SLC12A3: variants seen among roughly 807,000 people sequenced by gnomAD.
SLC12A3 encodes the protein Na-Cl cotransporter.
A neutral mutation model predicts 121.0 loss-of-function variants in SLC12A3; 104 were observed. The ratio of observed to expected loss-of-function variants is 0.86; its 90% confidence interval spans 0.73 to 1.01. SLC12A3 has a LOEUF of 1.01. SLC12A3 is among the 50% of genes least tolerant of loss of function. The probability of loss-of-function intolerance (pLI) is 0.00; values close to 1 mark genes in which losing one functional copy is unlikely to be tolerated. For synonymous variants in SLC12A3, 536 were observed against 533.4 expected (o/e 1.00, Z -0.07); for missense variants, 1,328 against 1,356.3 (o/e 0.98, Z 0.33).
At chr16:56,912,239 C>T (rs890508028) in intron 25 of SLC12A3, among the ~76,000 whole-genome samples, 2 of 152,248 alleles carry the variant, frequency 1.3e-5, no homozygotes, top group Non-Finnish European at 2.9e-5. Context: ...TGCTGGAGCC[C>T]ACAGACCCTC....
Position 56,870,741 on chromosome 16 carries a change from G to A in SLC12A3, c.852+5G>A, listed in dbSNP as rs898839471. ...GGCATGGAGTGGGAGTCCAAGGTGA[G>A]GAGGCCATGGAGGAGGGGGACATGG... On this transcript the variant is annotated splice_donor_5th_base_variant and intron_variant, in intron 6 of 25. Transcript: ENST00000563236. 33 of 1,580,424 alleles carry A rather than the reference G, an allele frequency of 2.1e-5. No homozygotes were observed. Among genetic ancestry groups the A allele is most frequent in the Non-Finnish European group, 2.6e-5 (30 of 1,149,862 alleles).
At chr16:56,887,792 ATATATATTTTTT>A (rs1231832318) in intron 17 of SLC12A3, 121 bp from the exon 18 acceptor site, 106 of 114,722 alleles carry the variant, frequency 9.2e-4, no homozygotes, top group Middle Eastern at 4.1e-3. Context: ...ATATATATAT[ATATATATTTTTT>A]TTTTTTTTTT....
intron 25 of SLC12A3, 101 bp from the exon 26 acceptor site, chr16:56,913,163 G>A (rs2055708322): frequency 6.6e-7 from 1 of 1,504,430 alleles, no homozygotes; most frequent in South Asian, 1.1e-5. Context: ...GAGCTCTGAG[G>A]GACGGTAAAC....
Position 56,893,000 on chromosome 16 carries a change from C to T in SLC12A3, c.2467C>T (p.Gln823Ter), listed in dbSNP as rs1255277037. 1.9e-6 allele frequency: 3 copies of T among 1,614,120 alleles called. No homozygotes were observed. Among genetic ancestry groups the T allele is most frequent in the Non-Finnish European group, 2.5e-6 (3 of 1,180,040 alleles). Residue 823 changes from glutamine to a stop codon, truncating the protein, a stop_gained, in exon 21 of 26, where the codon CAG (glutamine) becomes TAG (stop). Coordinates refer to ENST00000563236, the MANE Select transcript of SLC12A3 (RefSeq NM_001126108.2). LOFTEE classifies it high-confidence loss of function. ...VKEEQATTIF[Q>*]SEQGKKTIDI... ...GGAGGAGCAGGCCACCACCATCTTC[C>T]AGTCGGAGCAGGGCAAGAAGACCAT...
Position 56,887,933 on chromosome 16 carries a change from T to C in SLC12A3, c.2187T>C (p.Gly729=). ...RGVQILMQAA[G]LGRMKPNILV... ...CCCCTATCCCCTGGCAGGCCGCAGG[T>C]CTCGGGAGAATGAAGCCCAACATTC... Residue 729 remains glycine, a synonymous_variant, in exon 18 of 26, where the codon GGT becomes GGC. Transcript: ENST00000563236. 6.2e-7 allele frequency: 1 copy of C among 1,611,372 alleles called. No homozygotes were observed. The highest frequency in any genetic ancestry group is 8.5e-7 in the Non-Finnish European group (1 of 1,178,838).
chr16:56,913,346 C>T lies in SLC12A3; in HGVS notation c.3007C>T (p.Pro1003Ser). The stretch of plus-strand genomic sequence containing the variant: ...GGAGACCCTGTCCCAGGACCTCAGA[C>T]CTCCAGTCATCCTGATCCGAGGAAA... Reference protein sequence around the residue: ...WLETLSQDLRPPVILIRGNQE... With the variant: ...WLETLSQDLRSPVILIRGNQE... The change falls in exon 26 of 26, where the codon CCT becomes TCT. Residue 1003 changes from proline to serine, a missense_variant. Physicochemically the swap from Pro to Ser is moderately conservative, Grantham distance 74. Transcript: ENST00000563236. The T allele has an allele frequency of 6.2e-7, 1 of 1,614,190 alleles. No individual in the cohort carries two copies. Among genetic ancestry groups the T allele is most frequent in the Non-Finnish European group, 8.5e-7 (1 of 1,180,008 alleles).
chr16:56,869,960 C>G (rs1327825138), intron 4 of SLC12A3, 136 bp downstream of exon 4: 5 of 1,378,912 alleles, frequency 3.6e-6, no homozygotes, highest in Non-Finnish European at 5.1e-6. Context: ...GGCAGGCTGT[C>G]TACACCACGA....
At chr16:56,908,828 G>A (rs4644856) in intron 25 of SLC12A3, among the ~76,000 whole-genome samples, 2 of 152,244 alleles carry the variant, frequency 1.3e-5, no homozygotes, top group East Asian at 1.9e-4. Flanking sequence ...CGCTGGGTCC[G>A]AGCGCAAGAC....
rs142561570 is a variant in SLC12A3, at chr16:56,867,195, C to T, written c.408C>T (p.Phe136=). 5.8e-5 allele frequency: 94 copies of T among 1,612,162 alleles called. No individual in the cohort carries two copies. In the Admixed American group the frequency reaches 1.1e-3, roughly 19 times the overall value. Residue 136 remains phenylalanine, a synonymous_variant, in exon 2 of 26, where the codon TTC becomes TTT. Transcript: ENST00000563236. The stretch of plus-strand genomic sequence containing the variant: ...AGAACCCCGAGGAGCCAGTGCGCTT[C>T]GGCTGGGTCAAGGGGGTGATGGTGA... The part of the protein sequence containing the change: ...SEKNPEEPVR[F]GWVKGVMIRC...
At chr16:56,878,968 G>A (rs1776291751) in intron 9 of SLC12A3, 105 bp from the exon 10 acceptor site, 1 of 1,345,946 alleles carries the variant, frequency 7.4e-7, no homozygotes, top group Non-Finnish European at 1.0e-6. Flanking sequence ...TGAAGGGACA[G>A]CTGCCCATCA....
At chr16:56,876,777 G>A (rs1177815942) in intron 8 of SLC12A3, among the ~76,000 whole-genome samples, 2 of 152,210 alleles carry the variant, frequency 1.3e-5, no homozygotes, top group African/African-American at 4.8e-5. Flanking sequence ...AAGGCTGGGG[G>A]GGTTTATAAA....
chr16:56,881,063 G>A (rs1182408691), intron 12 of SLC12A3, among the ~76,000 whole-genome samples: 1 of 152,230 alleles, frequency 6.6e-6, no homozygotes, highest in Non-Finnish European at 1.5e-5. Flanking sequence ...GAGAGAGGTG[G>A]CCACACCAAG....
At chr16:56,900,484 C>T (rs2055522702) in intron 23 of SLC12A3, among the ~76,000 whole-genome samples, 1 of 152,064 alleles carries the variant, frequency 6.6e-6, no homozygotes, top group African/African-American at 2.4e-5. Context: ...GAAGAGACAG[C>T]AGGAGCAACA....
At chr16:56,889,900 C>T (rs1389295920) in intron 18 of SLC12A3, among the ~76,000 whole-genome samples, 1 of 152,204 alleles carries the variant, frequency 6.6e-6, no homozygotes, top group Non-Finnish European at 1.5e-5. Context: ...AGCTGTGTGA[C>T]CATGGGCAAG....
At position 56,872,691 on chromosome 16, in the gene SLC12A3, CG is replaced by C; in HGVS notation, c.1004del (p.Gly335ValfsTer35). 6.2e-7 allele frequency: 1 copy of C among 1,614,258 alleles called. No homozygotes were observed. Among genetic ancestry groups the C allele is most frequent in the East Asian group, 2.2e-5 (1 of 44,884 alleles). On this transcript the variant is annotated frameshift_variant, in exon 8 of 26. Coordinates refer to ENST00000563236, the MANE Select transcript of SLC12A3 (RefSeq NM_001126108.2). LOFTEE classifies it high-confidence loss of function. ...IFVQNLVPDW[R>X]GPDGTFFGMF... ...TGTCCAGAACTTGGTGCCTGACTGGCGGGGTCCAGATGGCACCTTCTTCGGA... is the reference window on the plus strand; with the variant it reads ...TGTCCAGAACTTGGTGCCTGACTGGCGGGTCCAGATGGCACCTTCTTCGGA...
rs1308825489 is a variant in SLC12A3, at chr16:56,894,571, G to T, written c.2562G>T (p.Arg854Ser). Residue 854 changes from arginine to serine, a missense_variant, in exon 22 of 26, where the codon AGG (arginine) becomes AGT (serine). Arg to Ser is a moderately radical substitution (Grantham distance 110). Transcript: ENST00000563236. ...LLIPYLLGRKRRWSKCKIRVF... is the reference protein window; with the variant it reads ...LLIPYLLGRKSRWSKCKIRVF... The stretch of plus-strand genomic sequence containing the variant: ...TTCCCTATCTCCTTGGCCGCAAGAG[G>T]AGGTGGAGCAAATGCAAGATCCGTG... The T allele has an allele frequency of 2.5e-6, 4 of 1,614,040 alleles. No individual in the cohort carries two copies. The highest frequency in any genetic ancestry group is 3.4e-6 in the Non-Finnish European group (4 of 1,180,012).
intron 8 of SLC12A3, among the ~76,000 whole-genome samples, chr16:56,874,862 G>A (rs965410174): frequency 8.5e-5 from 13 of 152,170 alleles, no homozygotes; most frequent in African/African-American, 2.7e-4. Context: ...TGAAGCCAGC[G>A]TGGCTTTAAG....
At chr16:56,903,397 G>A (rs1268733432) in intron 24 of SLC12A3, among the ~76,000 whole-genome samples, 3 of 152,176 alleles carry the variant, frequency 2.0e-5, no homozygotes, top group African/African-American at 7.2e-5. Flanking sequence ...TCTACCCCCA[G>A]TGTCAGTCAT....
chr16:56,872,984 C>T (rs1330774882), intron 8 of SLC12A3, among the ~76,000 whole-genome samples, 198 bp downstream of exon 8: 1 of 152,256 alleles, frequency 6.6e-6, no homozygotes, highest in African/African-American at 2.4e-5. Context: ...AGACCAGCTG[C>T]GTTCTAGGCT....
Sources: gnomAD v4.1 joint callset for allele counts (sites outside exome capture counted in the v4.1 genomes callset) on GRCh38, gnomAD v4.1.1 for gene constraint, MANE v1.5 for transcripts, NCBI Gene and HGNC (gene_info 2026-07-23, HGNC 2026-07-21) for gene names.